Variants in GRM4 observed in about 807,000 individuals in gnomAD.
The protein encoded by GRM4 is metabotropic glutamate receptor 4.
Under a neutral mutation model 81.7 loss-of-function variants are expected in GRM4, and 28 were observed. The ratio of observed to expected loss-of-function variants is 0.34; its 90% CI spans 0.25 to 0.47. The LOEUF (loss-of-function observed/expected upper bound fraction) is 0.47, where lower values mean the gene tolerates loss of function less well. Among genes scored for constraint, GRM4 ranks in the 20% least tolerant of loss-of-function variants. The probability of loss-of-function intolerance (pLI) is 1.00; values close to 1 mark genes in which losing one functional copy is unlikely to be tolerated. For missense variants in GRM4, 948 were observed against 1,290.0 expected, an observed-to-expected ratio of 0.73 and a Z score of 4.06; for synonymous variants, 488 against 528.8, an observed-to-expected ratio of 0.92 and a Z score of 1.06.
At chr6:34,086,473 G>A (rs1251856792) in intron 3 of GRM4, among the ~76,000 whole-genome samples, 2 of 152,198 alleles carry the variant, frequency 1.3e-5, no homozygotes, top group East Asian at 1.9e-4. Flanking sequence ...TTCAAGGAAC[G>A]AGACATCCTC....
chr6:34,066,197 G>A (rs1561786039), intron 3 of GRM4, among the ~76,000 whole-genome samples: 1 of 152,010 alleles, frequency 6.6e-6, no homozygotes, highest in Non-Finnish European at 1.5e-5. Context: ...GTCCACACTC[G>A]TCCCCAGGGA....
intron 2 of GRM4, among the ~76,000 whole-genome samples, chr6:34,131,110 C>T (rs1329185331): frequency 6.6e-6 from 1 of 152,242 alleles, no homozygotes; most frequent in East Asian, 1.9e-4. Context: ...TCCTCCTCTC[C>T]TTTTGTCTCC....
At chr6:34,088,225 C>T (rs1380128648) in intron 3 of GRM4, among the ~76,000 whole-genome samples, 1 of 152,146 alleles carries the variant, frequency 6.6e-6, no homozygotes, top group Non-Finnish European at 1.5e-5. Flanking sequence ...CAGGTTCAAG[C>T]GATTCTCTTG....
chr6:34,140,170 A>T (rs372550603), intron 1 of GRM4, among the ~76,000 whole-genome samples: 97 of 152,304 alleles, frequency 6.4e-4, no homozygotes, highest in Middle Eastern at 6.8e-3. Context: ...CCTAGAGTAA[A>T]AGCAGTGAAG....
rs1039551980 is a variant in GRM4, at chr6:34,155,379, C to T, written c.12G>A (p.Trp4Ter). 3.7e-5 allele frequency: 55 copies of T among 1,498,922 alleles called. No individual in the cohort carries two copies. The highest frequency in any genetic ancestry group is 1.5e-4 in the Admixed American group (7 of 48,058). The allele number at this position is 1,498,922 out of a possible 1,614,324, so 92.9% of individuals were successfully genotyped here. ...CGCAGGAAGCTGCAACTCCAGGCTC[C>T]CAAGCCGGCATCCTCCCACTCTCAG... The change falls in exon 1 of 9, where the codon TGG becomes TGA. Residue 4 changes from tryptophan to a stop codon, truncating the protein, a stop_gained. Coordinates refer to the GRM4 transcript ENST00000374177. LOFTEE classifies it high-confidence loss of function.
intron 2 of GRM4, among the ~76,000 whole-genome samples, chr6:34,098,421 C>T (rs2127491624): frequency 1.3e-5 from 2 of 152,332 alleles, no homozygotes; most frequent in Middle Eastern, 6.8e-3. Context: ...TGACTCTGCT[C>T]TTTCTGTTCC....
chr6:34,041,977 C>T (rs1235107112), intron 6 of GRM4, among the ~76,000 whole-genome samples: 3 of 152,186 alleles, frequency 2.0e-5, no homozygotes. Context: ...ACTAACTGGG[C>T]ATGGTGGCTC....
intron 1 of GRM4, among the ~76,000 whole-genome samples, chr6:34,142,132 C>T (rs1770717778): frequency 6.6e-6 from 1 of 152,224 alleles, no homozygotes; most frequent in Admixed American, 6.5e-5. Context: ...TGACAGAGAG[C>T]TGGTGTCCAG....
chr6:34,047,534 C>A lies in GRM4; in HGVS notation c.1169-6786G>T, dbSNP rs948000979. On this transcript the variant is annotated intron_variant, in intron 6 of 10. Transcript: ENST00000538487. The surrounding 1 kb of genome is among the most constrained non-coding windows in gnomAD (Gnocchi z 4.5). The stretch of plus-strand genomic sequence containing the variant: ...CAGAGTCACACGCTTGCTTTTCAGC[C>A]CTATACCGCAGTTTTGCCGGCCCCC... Among the ~76,000 whole-genome samples the A allele has an allele frequency of 6.6e-6, 1 of 152,132 alleles. No homozygotes were observed. Among genetic ancestry groups the A allele is most frequent in the Non-Finnish European group, 1.5e-5 (1 of 68,038 alleles).
Position 34,040,691 on chromosome 6 carries a change from A to G in GRM4, c.1226T>C (p.Val409Ala). The G allele has an allele frequency of 4.3e-6, 7 of 1,614,126 alleles. No individual in the cohort carries two copies. Among genetic ancestry groups the G allele is most frequent in the Non-Finnish European group, 5.9e-6 (7 of 1,179,950 alleles). ...AYEQEGKVQF[V>A]IDAVYAMGHA... is the part of the protein sequence containing the mutation. Reference sequence around the variant, plus strand: ...GCCCATGGCGTACACGGCATCGATCACAAACTGCACCTTCCCCTCCTGCTC... The same window carrying G: ...GCCCATGGCGTACACGGCATCGATCGCAAACTGCACCTTCCCCTCCTGCTC... The change falls in exon 7 of 11, where the codon GTG (valine) becomes GCG (alanine). Residue 409 changes from valine to alanine, a missense_variant. By Grantham distance (64) the Val-to-Ala change is moderately conservative. Coordinates refer to ENST00000538487, the MANE Select transcript of GRM4 (RefSeq NM_000841.4).
chr6:34,021,286 G>T lies in GRM4; in HGVS notation c.*1535C>A, dbSNP rs969489182. 3 of 152,444 alleles carry T rather than the reference G, an allele frequency of 2.0e-5. No homozygotes were observed. The highest frequency in any genetic ancestry group is 2.9e-5 in the Non-Finnish European group (2 of 68,196). 9.4% of individuals were successfully genotyped at this position (152,444 alleles called of 1,614,324 possible). A position where few individuals can be genotyped will look rare whatever the true frequency, so the allele number is the denominator to read the frequency against. On this transcript the variant is annotated 3_prime_UTR_variant, in exon 11 of 11. Transcript: ENST00000538487. This position sits in a 1 kb window ranked among gnomAD's most constrained non-coding sequence, Gnocchi z 5.3. ...GCCAACACAGCCAACACAGCCACAC[G>T]GCCATGCCTGTGCCGTGCACTTGTG...
intron 2 of GRM4, among the ~76,000 whole-genome samples, chr6:34,127,401 A>G (rs577277600): frequency 6.6e-6 from 1 of 152,372 alleles, no homozygotes; most frequent in Admixed American, 6.5e-5. Context: ...AAGGAGCATA[A>G]AGAAAACAGT....
rs572575250 is a variant in GRM4, at chr6:34,031,954, C to G, written c.2443-3588G>C. On this transcript the variant is annotated intron_variant, in intron 9 of 10. Transcript: ENST00000538487. ...CATTTGCATCTGACTCAGCTGGGCT[C>G]TCTCTCTCTCTCTCTCACACACACA... Among the ~76,000 whole-genome samples, 1,063 of 144,122 alleles carry G rather than the reference C, an allele frequency of 7.4e-3. 4 individuals are homozygous for G. Among genetic ancestry groups the G allele is most frequent in the Non-Finnish European group, 8.7e-3 (557 of 64,356 alleles). The allele number at this position is 144,122 out of a possible 152,430, so 94.5% of individuals were successfully genotyped here.
At chr6:34,025,742 ACACCTGC>A (rs1230995588) in intron 10 of GRM4, among the ~76,000 whole-genome samples, 1 of 152,214 alleles carries the variant, frequency 6.6e-6, no homozygotes, top group Non-Finnish European at 1.5e-5. Context: ...GGGAATCTCG[ACACCTGC>A]CATGTGGCCC....
chr6:34,078,688 C>T lies in GRM4; in HGVS notation c.736+13195G>A, dbSNP rs185626727. On this transcript the variant is annotated intron_variant, in intron 3 of 10. Coordinates refer to ENST00000538487, the MANE Select transcript of GRM4 (RefSeq NM_000841.4). The surrounding 1 kb of genome is among the most constrained non-coding windows in gnomAD (Gnocchi z 4.8). The stretch of plus-strand genomic sequence containing the variant: ...CCCCTCCGCAGCCCCTACTGCGTGG[C>T]CCTCTGTTCACTCTCCGCCCTCCCT... Among the ~76,000 whole-genome samples, 6 of 152,178 alleles carry T rather than the reference C, an allele frequency of 3.9e-5. No individual in the cohort carries two copies. Among genetic ancestry groups the T allele is most frequent in the Non-Finnish European group, 8.8e-5 (6 of 67,996 alleles).
intron 8 of GRM4, among the ~76,000 whole-genome samples, chr6:34,038,567 A>G (rs1764831224): frequency 6.6e-6 from 1 of 152,208 alleles, no homozygotes; most frequent in Non-Finnish European, 1.5e-5. Flanking sequence ...GACAGTAGCC[A>G]GGTAGGTGGT....
intron 1 of GRM4, among the ~76,000 whole-genome samples, chr6:34,138,542 G>C (rs113243302): frequency 6.6e-6 from 1 of 152,336 alleles, no homozygotes; most frequent in South Asian, 2.1e-4. Context: ...AGAACTGGAG[G>C]CCTCTCCCCT....
chr6:34,067,366 T>TTCGCTCCCTCCCTCTGTCCTTCCC (rs1766521934), intron 3 of GRM4, among the ~76,000 whole-genome samples: 1 of 146,680 alleles, frequency 6.8e-6, no homozygotes, highest in African/African-American at 2.6e-5. Context: ...TCCTCCTTCC[T>TTCGCTCCCTCCCTCTGTCCTTCCC]TCGCTCCCTC....
At chr6:34,149,892 T>G (rs1351850562), upstream of GRM4, among the ~76,000 whole-genome samples, 1 of 152,192 alleles carries the variant, frequency 6.6e-6, no homozygotes, top group Non-Finnish European at 1.5e-5. Flanking sequence ...GCAACTCAAC[T>G]GGCAACAAAA....
Sources: allele counts gnomAD v4.1 joint callset (sites outside exome capture counted in the v4.1 genomes callset), GRCh38; gene constraint gnomAD v4.1.1; non-coding constraint Gnocchi (gnomAD v3.1); transcripts MANE v1.5; gene names NCBI Gene and HGNC (gene_info 2026-07-23, HGNC 2026-07-21).